The following SORCS2 variants were observed in gnomAD, a reference collection of about 807,000 sequenced individuals.
SORCS2 encodes sortilin related VPS10 domain containing receptor 2, also known as VPS10 domain-containing receptor SorCS2.
A neutral mutation model predicts 141.6 loss-of-function variants in SORCS2; 100 were observed. That is an observed-to-expected ratio of 0.71 (90% CI 0.60 to 0.83). The LOEUF is 0.83. SORCS2 is among the 40% of genes least tolerant of loss of function. The pLI is 0.00. For synonymous variants in SORCS2, 789 were observed against 676.9 expected, an observed-to-expected ratio of 1.17 and a Z score of -2.57; for missense variants, 1,646 against 1,560.2, an observed-to-expected ratio of 1.05 and a Z score of -0.93.
In SORCS2 at chr4:7,659,823, TC is replaced by T. The variant is rs555635616; in HGVS notation, c.888-1670del. Among the ~76,000 whole-genome samples, 362 of 151,824 alleles carry T rather than the reference TC, an allele frequency of 2.4e-3. 1 individual carries two copies. The highest frequency in any genetic ancestry group is 8.1e-3 in the African/African-American group (336 of 41,430). On this transcript the variant is annotated intron_variant, in intron 5 of 26. Transcript: ENST00000507866. ...ACTGAGGGTGGGGCAGCTGTACTTC[TC>T]CCCCCCACCACTGTCCCTTCACTGT...
intron 2 of SORCS2, among the ~76,000 whole-genome samples, chr4:7,451,149 T>A (rs1728435726): frequency 6.6e-6 from 1 of 151,966 alleles, no homozygotes; most frequent in Non-Finnish European, 1.5e-5. Flanking sequence ...AGTGAAAGAA[T>A]GAGTGAGTGA....
At chr4:7,455,495 G>A (rs2109308347) in intron 2 of SORCS2, among the ~76,000 whole-genome samples, 1 of 148,392 alleles carries the variant, frequency 6.7e-6, no homozygotes, top group Non-Finnish European at 1.5e-5. Flanking sequence ...GCTCCGTGTT[G>A]GGGTCAGGCT....
intron 4 of SORCS2, among the ~76,000 whole-genome samples, chr4:7,646,621 C>G (rs1418394279): frequency 6.6e-6 from 1 of 152,014 alleles, no homozygotes; most frequent in Non-Finnish European, 1.5e-5. Context: ...TGGAGCAAGA[C>G]TCTGTTTCAA....
chr4:7,557,823 C>T (rs1008001108), intron 3 of SORCS2, among the ~76,000 whole-genome samples: 7 of 152,198 alleles, frequency 4.6e-5, no homozygotes, highest in Non-Finnish European at 8.8e-5. Flanking sequence ...AGTGGGGGCA[C>T]GGTGCCCCAT....
chr4:7,646,364 A>T (rs1721079445), intron 4 of SORCS2, among the ~76,000 whole-genome samples: 1 of 152,226 alleles, frequency 6.6e-6, no homozygotes, highest in Non-Finnish European at 1.5e-5. Context: ...CTATGTTGAA[A>T]TTCTAACCCC....
chr4:7,482,720 C>T (rs1276823868), intron 2 of SORCS2, among the ~76,000 whole-genome samples: 4 of 120,612 alleles, frequency 3.3e-5, no homozygotes, highest in African/African-American at 7.1e-5. Flanking sequence ...TGACGCTGTT[C>T]AGACCTGTAT....
rs968606159 is a variant in SORCS2 at position 7,399,690 on chromosome 4, G to A, written c.548+3335G>A. 3.3e-5 allele frequency among the ~76,000 whole-genome samples: 5 copies of A among 152,322 alleles called. No homozygotes were observed. In the East Asian group the frequency reaches 5.8e-4, roughly 18 times the overall value. On this transcript the variant is annotated intron_variant, in intron 2 of 26. Coordinates refer to ENST00000507866, the MANE Select transcript of SORCS2 (RefSeq NM_020777.3). ...AAGTGTGCAGGGCGTGCTCCTCCAC[G>A]TGGTCTTGCCCTCACAAGCCACAGA...
At chr4:7,595,033 G>C (rs1717167488) in intron 3 of SORCS2, among the ~76,000 whole-genome samples, 1 of 152,082 alleles carries the variant, frequency 6.6e-6, no homozygotes, top group South Asian at 2.1e-4. Flanking sequence ...TCAGATCCAG[G>C]CTCGGTCCCC....
intron 2 of SORCS2, among the ~76,000 whole-genome samples, chr4:7,426,901 G>A (rs11947344): frequency 0.14 from 20,578 of 152,232 alleles, 1,457 homozygotes; most frequent in Non-Finnish European, 0.15. Flanking sequence ...TGTGCTGAGC[G>A]GGGCCTGAAC....
chr4:7,311,473 G>C (rs935728929), intron 1 of SORCS2, among the ~76,000 whole-genome samples: 11 of 152,134 alleles, frequency 7.2e-5, no homozygotes, highest in African/African-American at 2.7e-4. Flanking sequence ...ATATGTTTAG[G>C]TTTTTCAAAG....
intron 3 of SORCS2, among the ~76,000 whole-genome samples, chr4:7,604,900 C>G (rs527937500): frequency 1.3e-5 from 2 of 152,322 alleles, no homozygotes; most frequent in South Asian, 4.1e-4. Context: ...GCTGGCTCCT[C>G]TCCTTGGATT....
At chr4:7,305,102 G>A (rs1302694319) in intron 1 of SORCS2, among the ~76,000 whole-genome samples, 2 of 150,354 alleles carry the variant, frequency 1.3e-5, no homozygotes, top group Non-Finnish European at 3.0e-5. Flanking sequence ...AGTGATCTCA[G>A]CTCACTGCAA....
rs182889301 is a variant in SORCS2, at chr4:7,659,862, G to A, written c.888-1638G>A. ...GTCCCTTCACTGTATTATTTGGTAC[G>A]CAATGCTGTGCATAGCTAGGAAACA... On this transcript the variant is annotated intron_variant, in intron 5 of 26. Coordinates refer to ENST00000507866, the MANE Select transcript of SORCS2 (RefSeq NM_020777.3). Among the ~76,000 whole-genome samples, 399 of 152,296 alleles carry A rather than the reference G, an allele frequency of 2.6e-3. 3 individuals are homozygous for A. The highest frequency in any genetic ancestry group is 9.1e-3 in the African/African-American group (379 of 41,560).
chr4:7,534,011 C>A (rs1399269223), intron 3 of SORCS2, among the ~76,000 whole-genome samples: 1 of 152,136 alleles, frequency 6.6e-6, no homozygotes, highest in Non-Finnish European at 1.5e-5. Flanking sequence ...GCAGACAAGC[C>A]CTGAGACAGG....
At chr4:7,317,586 T>C (rs2878617) in intron 1 of SORCS2, among the ~76,000 whole-genome samples, 89,701 of 152,098 alleles carry the variant, frequency 0.59, 26,538 homozygotes, top group South Asian at 0.72. Flanking sequence ...CTCTTCCCCA[T>C]GGGCCTGCGG....
chr4:7,204,909 G>A (rs1220184514), intron 1 of SORCS2, among the ~76,000 whole-genome samples: 1 of 152,228 alleles, frequency 6.6e-6, no homozygotes, highest in Non-Finnish European at 1.5e-5. Flanking sequence ...CGCTTGCTAA[G>A]GGTAACCGTT....
At chr4:7,450,966 G>T in intron 2 of SORCS2, among the ~76,000 whole-genome samples, 1 of 152,044 alleles carries the variant, frequency 6.6e-6, no homozygotes, top group Non-Finnish European at 1.5e-5. Context: ...ATGGGAGAGT[G>T]AGTGAATGCA....
chr4:7,250,265 A>C (rs1713403156), intron 1 of SORCS2, among the ~76,000 whole-genome samples: 2 of 152,008 alleles, frequency 1.3e-5, no homozygotes, highest in African/African-American at 2.4e-5. Context: ...GAAAGAAAGA[A>C]AGAAAGAAGG....
rs555638223 is a variant in SORCS2 at position 7,659,492 on chromosome 4, A to G, written c.888-2008A>G. Among the ~76,000 whole-genome samples, 18 of 152,026 alleles carry G rather than the reference A, an allele frequency of 1.2e-4. No homozygotes were observed. In the South Asian group the frequency reaches 2.1e-3, roughly 18 times the overall value. On this transcript the variant is annotated intron_variant, in intron 5 of 26. Transcript: ENST00000507866. ...CTTGGCCCCTCACAGAACCCCTGTG[A>G]GCCAGGTGGTGAATGGATGGGTGGA...
Sources: allele counts gnomAD v4.1 joint callset (sites outside exome capture counted in the v4.1 genomes callset), GRCh38; gene constraint gnomAD v4.1.1; transcripts MANE v1.5; gene names NCBI Gene and HGNC (gene_info 2026-07-23, HGNC 2026-07-21).